The following HPS3 variants were observed in gnomAD, a reference collection of about 807,000 sequenced individuals.
HPS3 encodes the protein HPS3 biogenesis of lysosomal organelles complex 2 subunit 1.
In HPS3, 79 loss-of-function variants were observed where a neutral mutation model predicts 110.9. That is an observed-to-expected ratio of 0.71 (90% CI 0.59 to 0.86). HPS3 has a LOEUF of 0.86. Ranked by LOEUF, HPS3 falls within the 40% of genes least tolerant of loss-of-function variation. The pLI is 0.00. For missense variants in HPS3, 1,197 were observed against 1,206.2 expected, an observed-to-expected ratio of 0.99 and a Z score of 0.11; for synonymous variants, 428 against 451.0, an observed-to-expected ratio of 0.95 and a Z score of 0.65.
intron 10 of HPS3, among the ~76,000 whole-genome samples, chr3:149,159,296 C>T (rs1157017048): frequency 6.6e-6 from 1 of 152,164 alleles, no homozygotes. Context: ...GGCACAGTGG[C>T]TAGTATCTGT....
In HPS3 at chr3:149,145,434, G is replaced by T; in HGVS notation, c.1051G>T (p.Val351Leu). 6.2e-7 allele frequency: 1 copy of T among 1,613,910 alleles called. No individual in the cohort carries two copies. Among genetic ancestry groups the T allele is most frequent in the Non-Finnish European group, 8.5e-7 (1 of 1,179,870 alleles). The change falls in exon 5 of 17, where the codon GTG becomes TTG. Residue 351 changes from valine (V) to leucine (L), a missense_variant. Physicochemically the swap from Val to Leu is conservative, Grantham distance 32. Coordinates refer to ENST00000296051, the MANE Select transcript of HPS3 (RefSeq NM_032383.5). Reference protein sequence around the residue: ...SLFCFFSLPHVGYLYMVVKSV... With the variant: ...SLFCFFSLPHLGYLYMVVKSV... Reference sequence around the variant, plus strand: ...CTTTTGCTTTTTCTCCTTACCTCATGTGGGCTATCTCTACATGGTTGTCAA... The same window carrying T: ...CTTTTGCTTTTTCTCCTTACCTCATTTGGGCTATCTCTACATGGTTGTCAA...
Position 149,160,206 on chromosome 3 carries a change from T to G in HPS3, c.2033T>G (p.Leu678Trp), listed in dbSNP as rs1723702277. ...GGGTTTTCATCGATCTTAGTGACATTGACCAAGGCAGCAGTGGCTCTGAAA... is the reference window on the plus strand; with the variant it reads ...GGGTTTTCATCGATCTTAGTGACATGGACCAAGGCAGCAGTGGCTCTGAAA... ...TSGFSSILVT[L>W]TKAAVALKMG... The change falls in exon 11 of 17, where the codon TTG (leucine) becomes TGG (tryptophan). Residue 678 changes from leucine to tryptophan, a missense_variant. Leu to Trp is a moderately conservative substitution (Grantham distance 61). Coordinates refer to ENST00000296051, the MANE Select transcript of HPS3 (RefSeq NM_032383.5). 1 of 1,613,916 alleles carries G rather than the reference T, an allele frequency of 6.2e-7. No individual in the cohort carries two copies. The highest frequency in any genetic ancestry group is 8.5e-7 in the Non-Finnish European group (1 of 1,179,898).
In HPS3 at chr3:149,173,557, AAT is replaced by A. The variant is rs758895223; in HGVS notation, c.*1337_*1338del. 7.4e-6 allele frequency: 4 copies of A among 543,012 alleles called. No individual in the cohort carries two copies. The highest frequency in any genetic ancestry group is 1.0e-5 in the Non-Finnish European group (3 of 301,314). The allele number at this position is 543,012 out of a possible 1,614,324, so 33.6% of individuals were successfully genotyped here. A position where few individuals can be genotyped will look rare whatever the true frequency, so the allele number is the denominator to read the frequency against. ...TTGATCTTTCCATTTGCAAAAAATT[AAT>A]AGTTTTCCCCCACAAATGTACAAAG... is the stretch of plus-strand genomic sequence containing the variant. On this transcript the variant is annotated 3_prime_UTR_variant, in exon 17 of 17. Transcript: ENST00000296051.
chr3:149,130,033 G>A (rs901457861), intron 1 of HPS3, 93 bp downstream of exon 1: 1 of 1,231,082 alleles, frequency 8.1e-7, no homozygotes, highest in Non-Finnish European at 1.1e-6. Context: ...TCTAGCTAGG[G>A]ATGGGACTTC....
At chr3:149,171,914 C>T (rs1725029865) in intron 16 of HPS3, among the ~76,000 whole-genome samples, 181 bp from the exon 17 acceptor site, 1 of 151,890 alleles carries the variant, frequency 6.6e-6, no homozygotes, top group Non-Finnish European at 1.5e-5. Flanking sequence ...ACCATGTTGG[C>T]CAGACTGGTC....
Position 149,150,653 on chromosome 3 carries a change from G to A in HPS3, c.1218G>A (p.Glu406=). 6.2e-7 allele frequency: 1 copy of A among 1,613,980 alleles called. No homozygotes were observed. The highest frequency in any genetic ancestry group is 8.5e-7 in the Non-Finnish European group (1 of 1,179,874). Residue 406 remains glutamate, a synonymous_variant, in exon 6 of 17, where the codon GAG becomes GAA. Transcript: ENST00000296051. ...GCAGTGCGGCGGCAGCTCGTGAGGA[G>A]GACCCGTACATGGACACCACCCTGA... ...VRCSAAAARE[E]DPYMDTTLKA...
At chr3:149,140,627 A>T (rs769545709) in intron 2 of HPS3, 129 bp downstream of exon 2, 1 of 1,032,306 alleles carries the variant, frequency 9.7e-7, no homozygotes, top group African/African-American at 1.6e-5. Context: ...TTCCTATTTC[A>T]TGGGATTTGG....
intron 14 of HPS3, chr3:149,166,146 A>T (rs1724392743): frequency 2.6e-6 from 1 of 389,750 alleles, no homozygotes; most frequent in Non-Finnish European, 5.1e-6. Flanking sequence ...TTGGTGGTAG[A>T]ATCAAAAGTA....
Position 149,162,841 on chromosome 3 carries a change from C to A in HPS3, c.2444C>A (p.Pro815His). ...QYIWRLSKRQPPDTTPLRTSE... is the reference protein window; with the variant it reads ...QYIWRLSKRQHPDTTPLRTSE... ...ATCTGGAGATTGTCTAAGAGGCAGC[C>A]TCCTGACACCACACCATTGCGAACA... Residue 815 changes from proline (P) to histidine (H), a missense_variant, in exon 13 of 17, where the codon CCT (proline) becomes CAT (histidine). By Grantham distance (77) the Pro-to-His change is moderately conservative (BLOSUM62 -2). Transcript: ENST00000296051. 6.2e-7 allele frequency: 1 copy of A among 1,614,020 alleles called. No individual in the cohort carries two copies. Among genetic ancestry groups the A allele is most frequent in the South Asian group, 1.1e-5 (1 of 91,080 alleles).
intron 14 of HPS3, 135 bp downstream of exon 14, chr3:149,164,084 C>T: frequency 1.7e-6 from 1 of 598,400 alleles, no homozygotes; most frequent in Non-Finnish European, 3.0e-6. Flanking sequence ...GTTAGGCATA[C>T]TCAGGAGACT....
At chr3:149,144,849 A>G (rs1447529598) in intron 4 of HPS3, among the ~76,000 whole-genome samples, 1 of 152,170 alleles carries the variant, frequency 6.6e-6, no homozygotes, top group East Asian at 1.9e-4. Flanking sequence ...AATGTATATA[A>G]TATTAATTTT....
chr3:149,133,025 C>T (rs1394859609), intron 1 of HPS3, among the ~76,000 whole-genome samples: 1 of 152,212 alleles, frequency 6.6e-6, no homozygotes, highest in African/African-American at 2.4e-5. Context: ...GGAGTTGCTT[C>T]TCATGGATGA....
chr3:149,130,032 G>C, intron 1 of HPS3, 92 bp downstream of exon 1: 1 of 1,234,598 alleles, frequency 8.1e-7, no homozygotes, highest in Non-Finnish European at 1.1e-6. Context: ...CTCTAGCTAG[G>C]GATGGGACTT....
rs199635046 is a variant in HPS3 at position 149,162,857 on chromosome 3, A to G, written c.2460A>G (p.Pro820=). The change falls in exon 13 of 17, where the codon CCA becomes CCG. Residue 820 remains proline, a synonymous_variant. Transcript: ENST00000296051. ...LSKRQPPDTT[P]LRTSEDLINA... ...AGAGGCAGCCTCCTGACACCACACCATTGCGAACATCGGAGGATCTGGTAA... is the reference window on the plus strand; with the variant it reads ...AGAGGCAGCCTCCTGACACCACACCGTTGCGAACATCGGAGGATCTGGTAA... 6.2e-7 allele frequency: 1 copy of G among 1,613,842 alleles called. No individual in the cohort carries two copies. Among genetic ancestry groups the G allele is most frequent in the African/African-American group, 1.3e-5 (1 of 75,042 alleles).
At chr3:149,133,047 G>A (rs563566596) in intron 1 of HPS3, among the ~76,000 whole-genome samples, 51 of 152,278 alleles carry the variant, frequency 3.3e-4, no homozygotes, top group African/African-American at 7.5e-4. Context: ...CAAAGAAAGT[G>A]GTTTCTTGAG....
intron 8 of HPS3, among the ~76,000 whole-genome samples, chr3:149,155,751 C>A (rs1027814284): frequency 2.0e-5 from 3 of 152,114 alleles, no homozygotes. Flanking sequence ...TTCAAACTTA[C>A]AGAAAAGTTG....
chr3:149,150,407 A>G lies in HPS3; in HGVS notation c.1164-192A>G, dbSNP rs2689231. On this transcript the variant is annotated intron_variant, in intron 5 of 16. Transcript: ENST00000296051. ...TAGGGGTGTTATGGGGACCAGTTGT[A>G]TATTTTTAAAAACACACCACAGGGA... 0.2 allele frequency among the ~76,000 whole-genome samples: 30,821 copies of G among 152,120 alleles called. 3,486 individuals carry two copies. The highest frequency in any genetic ancestry group is 0.3 in the South Asian group (1,454 of 4,824).
chr3:149,154,203 C>G (rs1014402120), intron 7 of HPS3: 5 of 153,312 alleles, frequency 3.3e-5, no homozygotes, highest in African/African-American at 1.2e-4. Context: ...TAATTCCAGA[C>G]TAGTTATGCT....
chr3:149,169,632 A>G (rs1724782975), intron 16 of HPS3, among the ~76,000 whole-genome samples: 1 of 152,170 alleles, frequency 6.6e-6, no homozygotes. Flanking sequence ...AGTTATAACA[A>G]ACAAAAATGT....
Sources: gnomAD v4.1 joint callset for allele counts (sites outside exome capture counted in the v4.1 genomes callset) on GRCh38, gnomAD v4.1.1 for gene constraint, MANE v1.5 for transcripts, NCBI Gene and HGNC (gene_info 2026-07-23, HGNC 2026-07-21) for gene names.